LYPLAL1: variants seen among roughly 807,000 people sequenced by gnomAD.
The protein encoded by LYPLAL1 is lysophospholipase-like protein 1.
In LYPLAL1, 23 loss-of-function variants were observed where a neutral mutation model predicts 19.7. That is an observed-to-expected ratio of 1.17 (90% confidence interval 0.84 to 1.65). LYPLAL1 has a LOEUF of 1.65. Ranked by LOEUF, LYPLAL1 falls within the 40% of genes most tolerant of loss-of-function variation. The pLI is 0.00. For synonymous variants in LYPLAL1, 119 were observed against 96.3 expected, an observed-to-expected ratio of 1.24 and a Z score of -1.38; for missense variants, 355 against 279.4, an observed-to-expected ratio of 1.27 and a Z score of -1.93.
At chr1:219,321,635 G>T in the LYPLAL1 span, among the ~76,000 whole-genome samples, 2 of 152,122 alleles carry the variant, frequency 1.3e-5, no homozygotes, top group East Asian at 3.9e-4. Context: ...GTAAGGAAGG[G>T]ATCATTTTAG....
the LYPLAL1 span, among the ~76,000 whole-genome samples, chr1:219,431,122 C>G: frequency 2.2e-4 from 34 of 152,118 alleles, no homozygotes; most frequent in Non-Finnish European, 4.9e-4. Flanking sequence ...TATAATGTGC[C>G]TAAAGGAGAA....
chr1:219,261,337 T>G, the LYPLAL1 span, among the ~76,000 whole-genome samples: 4 of 152,162 alleles, frequency 2.6e-5, no homozygotes, highest in Non-Finnish European at 5.9e-5. Context: ...TGCTCAAGAT[T>G]CGTTATCAGT....
At chr1:219,323,156 C>T in the LYPLAL1 span, among the ~76,000 whole-genome samples, 38 of 152,282 alleles carry the variant, frequency 2.5e-4, no homozygotes, top group South Asian at 8.3e-4. Context: ...TGAGATGCAG[C>T]GACATTTGGG....
chr1:219,382,809 C>T, the LYPLAL1 span, among the ~76,000 whole-genome samples: 6 of 152,014 alleles, frequency 3.9e-5, no homozygotes, highest in South Asian at 4.2e-4. Flanking sequence ...CTTGTATTTA[C>T]GCCCAGCTAC....
At chr1:219,405,886 G>A in the LYPLAL1 span, among the ~76,000 whole-genome samples, 24 of 152,256 alleles carry the variant, frequency 1.6e-4, no homozygotes, top group Middle Eastern at 6.8e-3. Context: ...CCTAAATATG[G>A]AAGCACTCAG....
chr1:219,242,849 G>T, the LYPLAL1 span, among the ~76,000 whole-genome samples: 1,223 of 152,180 alleles, frequency 8.0e-3, 24 homozygotes, highest in African/African-American at 0.028. Context: ...ACAATTTTTG[G>T]TTGCATTTAC....
the LYPLAL1 span, among the ~76,000 whole-genome samples, chr1:219,303,666 G>A: frequency 6.6e-6 from 1 of 152,312 alleles, no homozygotes; most frequent in African/African-American, 2.4e-5. Flanking sequence ...TCATAGGGAA[G>A]CCCATAACTC....
the LYPLAL1 span, among the ~76,000 whole-genome samples, chr1:219,299,569 A>C: frequency 6.6e-6 from 1 of 152,060 alleles, no homozygotes; most frequent in African/African-American, 2.4e-5. Flanking sequence ...TCAAATCAGA[A>C]AGGTGAAGTG....
chr1:219,327,308 G>A, the LYPLAL1 span, among the ~76,000 whole-genome samples: 8 of 152,118 alleles, frequency 5.3e-5, no homozygotes, highest in Non-Finnish European at 8.8e-5. Context: ...AGCACAACTC[G>A]CTTTAATTGC....
At chr1:219,321,957 A>G in the LYPLAL1 span, among the ~76,000 whole-genome samples, 6 of 152,206 alleles carry the variant, frequency 3.9e-5, no homozygotes, top group Admixed American at 1.3e-4. Context: ...TTGAGTCCCA[A>G]TGCTTTGGAT....
At chr1:219,409,245 T>C in the LYPLAL1 span, among the ~76,000 whole-genome samples, 1 of 152,082 alleles carries the variant, frequency 6.6e-6, no homozygotes, top group African/African-American at 2.4e-5. Flanking sequence ...GCCCAGGGGT[T>C]CAAGACCAGC....
the LYPLAL1 span, among the ~76,000 whole-genome samples, chr1:219,355,051 T>C: frequency 1.3e-5 from 2 of 152,330 alleles, no homozygotes; most frequent in South Asian, 2.1e-4. Context: ...GAATGTAGAC[T>C]GTGTTAAATC....
intron 3 of LYPLAL1, among the ~76,000 whole-genome samples, chr1:219,201,795 A>G: frequency 6.6e-6 from 1 of 152,222 alleles, no homozygotes; most frequent in East Asian, 1.9e-4. Flanking sequence ...ATGCCACAAA[A>G]CACACGTTTC....
At chr1:219,381,814 G>T in the LYPLAL1 span, among the ~76,000 whole-genome samples, 7 of 152,268 alleles carry the variant, frequency 4.6e-5, no homozygotes, top group East Asian at 9.7e-4. Flanking sequence ...ATACAAAAAA[G>T]ATTAAGTCAT....
chr1:219,246,799 T>G, the LYPLAL1 span, among the ~76,000 whole-genome samples: 1 of 152,344 alleles, frequency 6.6e-6, no homozygotes, highest in Middle Eastern at 3.4e-3. Context: ...TTGCCCAGGC[T>G]GGTCTCAAAT....
At chr1:219,443,460 A>G in the LYPLAL1 span, among the ~76,000 whole-genome samples, 15 of 152,206 alleles carry the variant, frequency 9.9e-5, no homozygotes, top group Admixed American at 3.9e-4. Context: ...ATAACTTTTT[A>G]ACATCATTTT....
chr1:219,219,416 C>G, the LYPLAL1 span, among the ~76,000 whole-genome samples: 2 of 152,272 alleles, frequency 1.3e-5, no homozygotes, highest in African/African-American at 4.8e-5. Flanking sequence ...ACCATGTTTT[C>G]TAGAGACAAG....
At chr1:219,417,512 A>G in the LYPLAL1 span, among the ~76,000 whole-genome samples, 1 of 152,232 alleles carries the variant, frequency 6.6e-6, no homozygotes, top group South Asian at 2.1e-4. Flanking sequence ...AAGGTTGTCC[A>G]TGGTATAGGC....
chr1:219,263,819 G>A, the LYPLAL1 span, among the ~76,000 whole-genome samples: 1 of 152,156 alleles, frequency 6.6e-6, no homozygotes, highest in South Asian at 2.1e-4. Flanking sequence ...TTCCGCAGTG[G>A]GATGTGTGTT....
Sources: gnomAD v4.1 joint callset for allele counts (sites outside exome capture counted in the v4.1 genomes callset) on GRCh38, gnomAD v4.1.1 for gene constraint, MANE v1.5 for transcripts, NCBI Gene and HGNC (gene_info 2026-07-23, HGNC 2026-07-21) for gene names.